Variants in F5 observed in about 807,000 individuals in gnomAD.
F5 encodes the protein activated protein c cofactor.
Under a neutral mutation model 216.4 loss-of-function variants are expected in F5, and 138 were observed. The ratio of observed to expected loss-of-function variants is 0.64; its 90% confidence interval spans 0.56 to 0.73. F5 has a LOEUF of 0.73. F5 is among the 30% of genes least tolerant of loss of function. The probability of loss-of-function intolerance (pLI) is 0.00; values close to 1 mark genes in which losing one functional copy is unlikely to be tolerated. For missense variants in F5, 2,403 were observed against 2,674.0 expected (o/e 0.90, Z 2.24); for synonymous variants, 916 against 930.7 (o/e 0.98, Z 0.29).
chr1:169,575,028 A>G (rs778848775), intron 2 of F5, among the ~76,000 whole-genome samples: 20 of 152,222 alleles, frequency 1.3e-4, no homozygotes, highest in Non-Finnish European at 2.2e-4. Flanking sequence ...GATTTTAAAC[A>G]AATGATCACA....
chr1:169,549,431 A>G (rs1660108269), intron 10 of F5, among the ~76,000 whole-genome samples: 1 of 152,196 alleles, frequency 6.6e-6, no homozygotes, highest in African/African-American at 2.4e-5. Context: ...ACCAGATGGT[A>G]TCTCACTGAA....
At chr1:169,555,112 C>T in intron 7 of F5, 70 bp downstream of exon 7, 2 of 1,571,030 alleles carry the variant, frequency 1.3e-6, no homozygotes, top group African/African-American at 1.3e-5. Context: ...TACATTTCAC[C>T]CCAAACATCT....
chr1:169,534,838 T>C (rs1659669941), intron 14 of F5, among the ~76,000 whole-genome samples: 3 of 152,292 alleles, frequency 2.0e-5, no homozygotes, highest in Admixed American at 2.0e-4. Context: ...CACCATGGAA[T>C]ACTACGCAGC....
At chr1:169,537,456 A>T (rs563133689) in intron 13 of F5, among the ~76,000 whole-genome samples, 1 of 152,202 alleles carries the variant, frequency 6.6e-6, no homozygotes, top group African/African-American at 2.4e-5. Flanking sequence ...TGACCTCGAA[A>T]GTACAGGCAA....
In F5 at chr1:169,542,456, G is replaced by A. The variant is rs754050268; in HGVS notation, c.2634C>T (p.His878=). ...CTAGTAATTTCATCCAGGAGAACCT[G>A]TGCTTTGCTGCTTGATCTCTTTCTA... is the stretch of plus-strand genomic sequence containing the variant. ...PKVERDQAAK[H]RFSWMKLLAH... is the part of the protein sequence containing the mutation. Residue 878 remains histidine (H), a synonymous_variant, in exon 13 of 25, where the codon CAC becomes CAT. Transcript: ENST00000367797. 6.2e-7 allele frequency: 1 copy of A among 1,614,118 alleles called. No individual in the cohort carries two copies. The highest frequency in any genetic ancestry group is 2.2e-5 in the East Asian group (1 of 44,874).
Position 169,542,524 on chromosome 1 carries a change from C to G in F5, c.2566G>C (p.Glu856Gln). 6.2e-7 allele frequency: 1 copy of G among 1,614,108 alleles called. No homozygotes were observed. The highest frequency in any genetic ancestry group is 1.3e-5 in the African/African-American group (1 of 75,046). Residue 856 changes from glutamate (E) to glutamine (Q), a missense_variant, in exon 13 of 25, where the codon GAA becomes CAA. Glu to Gln is a conservative substitution (Grantham distance 29, BLOSUM62 2). Around this residue, in one of 4 missense-constraint regions of F5, gnomAD observed 1,425 missense variants for 1,554.8 expected, o/e 0.92. Transcript: ENST00000367797. The part of the protein sequence containing the change: ...GIRLLSLGAG[E>Q]FKSQEHAKHK... ...TTAGCATGTTCTTGACTTTTGAATT[C>G]TCCAGCACCAAGTGAAAGTAGACGT...
At chr1:169,570,986 A>G (rs544810851) in intron 3 of F5, among the ~76,000 whole-genome samples, 1 of 152,248 alleles carries the variant, frequency 6.6e-6, no homozygotes, top group African/African-American at 2.4e-5. Context: ...ACCTGCACAT[A>G]AACCACTCTC....
In F5 at chr1:169,512,963, T is replaced by C. The variant is rs1034855835; in HGVS notation, c.*1350A>G. 1.2e-4 allele frequency among the ~76,000 whole-genome samples: 18 copies of C among 152,216 alleles called. No homozygotes were observed. Among genetic ancestry groups the C allele is most frequent in the Middle Eastern group, 6.8e-3 (2 of 294 alleles). On this transcript the variant is annotated 3_prime_UTR_variant, in exon 25 of 25. Transcript: ENST00000367797. ...GTCTCCTAGAGATTCTGGTATGTTG[T>C]CTCTTTGTTCTCATTGGTTTTAAGG...
At chr1:169,551,949 G>A (rs1380501440) in intron 8 of F5, among the ~76,000 whole-genome samples, 3 of 152,146 alleles carry the variant, frequency 2.0e-5, no homozygotes, top group East Asian at 3.8e-4. Flanking sequence ...TAAAAAATGA[G>A]TAAAAATTGT....
rs922113998 is a variant in F5, at chr1:169,513,441, G to A, written c.*872C>T. ...GGGAAGTTGCTGGAAGAAGAGAGAGGAGGAAGTTGAGGCCATAGAGAGGAA... is the reference window on the plus strand; with the variant it reads ...GGGAAGTTGCTGGAAGAAGAGAGAGAAGGAAGTTGAGGCCATAGAGAGGAA... On this transcript the variant is annotated 3_prime_UTR_variant, in exon 25 of 25. Transcript: ENST00000367797. Among the ~76,000 whole-genome samples the A allele has an allele frequency of 1.3e-5, 2 of 152,062 alleles. No homozygotes were observed.
chr1:169,526,516 A>G (rs1319219689), intron 17 of F5, among the ~76,000 whole-genome samples: 1 of 152,222 alleles, frequency 6.6e-6, no homozygotes, highest in Non-Finnish European at 1.5e-5. Context: ...AAACACTGAA[A>G]GAATGAGATT....
Position 169,586,426 on chromosome 1 carries a change from AC to A in F5, c.-41del. On this transcript the variant is annotated 5_prime_UTR_variant, in exon 1 of 25. Coordinates refer to ENST00000367797, the MANE Select transcript of F5 (RefSeq NM_000130.5). The stretch of plus-strand genomic sequence containing the variant: ...TCCCGCTGGCTGCCACCACCCCAGG[AC>A]CTGGGCAGCGCTTGCCGAGCTGCTA... 1 of 1,598,454 alleles carries A rather than the reference AC, an allele frequency of 6.3e-7. No individual in the cohort carries two copies.
Position 169,540,817 on chromosome 1 carries a change from C to T in F5, c.4273G>A (p.Gly1425Ser), listed in dbSNP as rs1189638440. Residue 1425 changes from glycine (G) to serine (S), a missense_variant, in exon 13 of 25, where the codon GGT becomes AGT. By Grantham distance (56) the Gly-to-Ser change is moderately conservative. Coordinates refer to ENST00000367797, the MANE Select transcript of F5 (RefSeq NM_000130.5). ...LGETDLSPNF[G>S]QMSLSPDLSQ... ...AGGTCTGGGGAAAGGGACATCTGAC[C>T]AAAGTTTGGGGAAAGATCTGTCTCA... 1 of 1,612,086 alleles carries T rather than the reference C, an allele frequency of 6.2e-7. No individual in the cohort carries two copies. The highest frequency in any genetic ancestry group is 8.5e-7 in the Non-Finnish European group (1 of 1,179,282).
intron 2 of F5, among the ~76,000 whole-genome samples, chr1:169,581,319 C>T (rs1660980939): frequency 6.6e-6 from 1 of 152,138 alleles, no homozygotes; most frequent in Middle Eastern, 3.4e-3. Context: ...TAGACTTATT[C>T]ATACTAAAGC....
At chr1:169,566,151 G>A (rs1401724856) in intron 3 of F5, among the ~76,000 whole-genome samples, 1 of 152,054 alleles carries the variant, frequency 6.6e-6, no homozygotes, top group Non-Finnish European at 1.5e-5. Context: ...TTGATGAGCT[G>A]CACCATCTAC....
intron 7 of F5, 34 bp downstream of exon 7, chr1:169,555,148 C>CCTTT: frequency 6.2e-7 from 1 of 1,613,458 alleles, no homozygotes. Context: ...GTGTCTTGAA[C>CCTTT]CTTTGCCCAG....
chr1:169,558,295 A>G (rs1660377847), intron 5 of F5, among the ~76,000 whole-genome samples: 1 of 152,196 alleles, frequency 6.6e-6, no homozygotes, highest in South Asian at 2.1e-4. Flanking sequence ...CTTGGGATCA[A>G]CATTGAGAGT....
chr1:169,575,464 G>T (rs1285445695), intron 2 of F5, among the ~76,000 whole-genome samples: 1 of 152,106 alleles, frequency 6.6e-6, no homozygotes, highest in East Asian at 1.9e-4. Context: ...ACATGGACCA[G>T]ATTTTGGTTT....
intron 14 of F5, among the ~76,000 whole-genome samples, chr1:169,534,394 G>A (rs892079856): frequency 1.1e-4 from 16 of 152,172 alleles, no homozygotes; most frequent in Admixed American, 2.6e-4. Flanking sequence ...TCAGCCGGGC[G>A]CAATGGCTCA....
Sources: gnomAD v4.1 joint callset for allele counts (sites outside exome capture counted in the v4.1 genomes callset) on GRCh38, gnomAD v4.1.1 for gene constraint, gnomAD v4.1.1 regional missense constraint, MANE v1.5 for transcripts, NCBI Gene and HGNC (gene_info 2026-07-23, HGNC 2026-07-21) for gene names.